Variants in TGIF1 observed in about 807,000 individuals in gnomAD.
The protein encoded by TGIF1 is homeobox protein TGIF1.
A neutral mutation model predicts 19.3 loss-of-function variants in TGIF1; 4 were observed. The ratio of observed to expected loss-of-function variants is 0.21; its 90% CI spans 0.10 to 0.47. TGIF1 has a LOEUF of 0.47. TGIF1 is among the 20% of genes least tolerant of loss of function. The pLI, the probability that TGIF1 is intolerant of heterozygous loss-of-function variation, is 0.98. For missense variants in TGIF1, 275 were observed against 341.4 expected (o/e 0.81, Z 1.53); for synonymous variants, 122 against 129.3 (o/e 0.94, Z 0.38).
chr18:3,439,355 T>G (rs555567508), intron 2 of TGIF1, among the ~76,000 whole-genome samples: 1 of 152,196 alleles, frequency 6.6e-6, no homozygotes, highest in African/African-American at 2.4e-5. Flanking sequence ...TTTTAATTTT[T>G]TTTTTTTTTT....
chr18:3,413,796 G>A (rs948733199), intron 1 of TGIF1, among the ~76,000 whole-genome samples: 19 of 152,056 alleles, frequency 1.2e-4, no homozygotes, highest in South Asian at 1.2e-3. Flanking sequence ...AAGATATATC[G>A]TCAAGGGAAT....
At chr18:3,448,031 G>A (rs1056508172), upstream of TGIF1, 3 of 983,566 alleles carry the variant, frequency 3.1e-6, no homozygotes, top group Non-Finnish European at 3.6e-6. Context: ...GAGAACCACG[G>A]GGAAGAGGGA....
chr18:3,435,729 C>T (rs1053465413), intron 2 of TGIF1, among the ~76,000 whole-genome samples: 8 of 152,124 alleles, frequency 5.3e-5, no homozygotes, highest in African/African-American at 1.4e-4. Flanking sequence ...AATAATTGCT[C>T]GGCCACAGAA....
intron 1 of TGIF1, among the ~76,000 whole-genome samples, chr18:3,452,769 T>C (rs1399191001): frequency 6.6e-6 from 1 of 152,210 alleles, no homozygotes; most frequent in African/African-American, 2.4e-5. Context: ...CGGGCCCTCC[T>C]TACTGTCTTG....
At chr18:3,433,505 C>G (rs1417400908) in intron 2 of TGIF1, among the ~76,000 whole-genome samples, 3 of 152,168 alleles carry the variant, frequency 2.0e-5, no homozygotes, top group African/African-American at 7.2e-5. Context: ...AAGCCAGACA[C>G]AGAAGGACAA....
At chr18:3,434,936 C>T (rs1012111527) in intron 2 of TGIF1, among the ~76,000 whole-genome samples, 2 of 152,144 alleles carry the variant, frequency 1.3e-5, no homozygotes, top group African/African-American at 4.8e-5. Context: ...CTGACTTATA[C>T]AGTCTTCATT....
chr18:3,433,462 G>A (rs933368255), intron 2 of TGIF1, among the ~76,000 whole-genome samples: 2 of 152,206 alleles, frequency 1.3e-5, no homozygotes, highest in African/African-American at 4.8e-5. Context: ...CTATAACATG[G>A]CCGAAGGTTG....
chr18:3,450,387 CG>C lies in TGIF1; in HGVS notation c.-100del. 1 of 1,543,332 alleles carries C rather than the reference CG, an allele frequency of 6.5e-7. No individual in the cohort carries two copies. On this transcript the variant is annotated 5_prime_UTR_variant, in exon 1 of 3. Transcript: ENST00000343820. ...CGGCTGGAGCACGTCCTACAAGTTACGGGAGAGTCGGCTGTGAAGGAGACGT... is the reference window on the plus strand; with the variant it reads ...CGGCTGGAGCACGTCCTACAAGTTACGGAGAGTCGGCTGTGAAGGAGACGT...
At chr18:3,448,190 C>T, upstream of TGIF1, 4 of 985,356 alleles carry the variant, frequency 4.1e-6, no homozygotes, top group African/African-American at 1.7e-5. Flanking sequence ...CCCCAGTAAC[C>T]GCCCGGTTCC....
chr18:3,447,339 TAA>T (rs11421150), upstream of TGIF1, among the ~76,000 whole-genome samples: 6 of 141,676 alleles, frequency 4.2e-5, no homozygotes, highest in East Asian at 2.0e-4. Context: ...CTATATACTT[TAA>T]AAAAAAAAAA....
At chr18:3,430,466 G>A (rs192278950) in intron 2 of TGIF1, among the ~76,000 whole-genome samples, 9 of 151,918 alleles carry the variant, frequency 5.9e-5, no homozygotes, top group Non-Finnish European at 1.3e-4. Context: ...TAATAAATGC[G>A]TATTTTTACA....
chr18:3,421,309 T>C (rs1354412173), intron 2 of TGIF1, among the ~76,000 whole-genome samples: 1 of 148,354 alleles, frequency 6.7e-6, no homozygotes, highest in Admixed American at 6.8e-5. Flanking sequence ...ACTATATATA[T>C]ACATTTATAT....
upstream of TGIF1, among the ~76,000 whole-genome samples, chr18:3,447,339 T>A (rs957177947): frequency 9.9e-5 from 14 of 141,710 alleles, no homozygotes; most frequent in South Asian, 2.3e-4. Flanking sequence ...CTATATACTT[T>A]AAAAAAAAAA....
At chr18:3,428,088 G>A (rs1365689580) in intron 2 of TGIF1, among the ~76,000 whole-genome samples, 3 of 152,180 alleles carry the variant, frequency 2.0e-5, no homozygotes, top group Non-Finnish European at 4.4e-5. Flanking sequence ...TTGTTGATGT[G>A]GAACGGATGC....
chr18:3,430,867 T>C (rs2082538210), intron 2 of TGIF1, among the ~76,000 whole-genome samples: 1 of 152,110 alleles, frequency 6.6e-6, no homozygotes, highest in Non-Finnish European at 1.5e-5. Context: ...AAACAAAAGC[T>C]TTTTGGCTCT....
chr18:3,430,426 A>G (rs1156650066), intron 2 of TGIF1, among the ~76,000 whole-genome samples: 1 of 152,224 alleles, frequency 6.6e-6, no homozygotes, highest in African/African-American at 2.4e-5. Flanking sequence ...TTAACGTGTC[A>G]TGAATTTATA....
chr18:3,431,062 A>C (rs1469445729), intron 2 of TGIF1, among the ~76,000 whole-genome samples: 1 of 152,182 alleles, frequency 6.6e-6, no homozygotes, highest in Admixed American at 6.5e-5. Context: ...AAAAACCCTG[A>C]AGGAGTGATG....
intron 1 of TGIF1, chr18:3,452,451 T>C (rs2083000526): frequency 6.2e-7 from 1 of 1,604,474 alleles, no homozygotes; most frequent in African/African-American, 1.3e-5. Flanking sequence ...CTGCCGAGGT[T>C]ACCCGGGTTT....
chr18:3,456,317 A>G lies in TGIF1; in HGVS notation c.17-37A>G, dbSNP rs202010796. ...GAGCTTTGCAATAGTTGCTGTGCTT[A>G]TAAAGCAACTGACAACTGGCCCTTG... is the stretch of plus-strand genomic sequence containing the variant. On this transcript the variant is annotated intron_variant, in intron 1 of 2. Transcript: ENST00000343820. The surrounding 1 kb of genome is among the most constrained non-coding windows in gnomAD (Gnocchi z 4.2). 6.3e-7 allele frequency: 1 copy of G among 1,582,818 alleles called. No homozygotes were observed. The highest frequency in any genetic ancestry group is 8.7e-7 in the Non-Finnish European group (1 of 1,151,736).
Sources: gnomAD v4.1 joint callset for allele counts (sites outside exome capture counted in the v4.1 genomes callset) on GRCh38, gnomAD v4.1.1 for gene constraint, Gnocchi (gnomAD v3.1) non-coding constraint, MANE v1.5 for transcripts, NCBI Gene and HGNC (gene_info 2026-07-23, HGNC 2026-07-21) for gene names.